CARD8: variants seen among roughly 807,000 people sequenced by gnomAD.
CARD8 encodes caspase recruitment domain family member 8.
A neutral mutation model predicts 53.2 loss-of-function variants in CARD8; 38 were observed. The observed-to-expected ratio is 0.71, with a 90% CI of 0.55 to 0.94. The LOEUF is 0.94. Ranked by LOEUF, CARD8 falls within the 40% of genes least tolerant of loss-of-function variation. The pLI, the probability that CARD8 is intolerant of heterozygous loss-of-function variation, is 0.00. For synonymous variants in CARD8, 245 were observed against 244.9 expected, an observed-to-expected ratio of 1.00 and a Z score of 0.00; for missense variants, 561 against 655.5, an observed-to-expected ratio of 0.86 and a Z score of 1.57.
intron 6 of CARD8, 100 bp from the exon 7 acceptor site, chr19:48,232,593 C>T: frequency 1.0e-6 from 1 of 996,314 alleles, no homozygotes; most frequent in Non-Finnish European, 1.5e-6. Context: ...CTGCACTGTC[C>T]CGTAGAGTAG....
chr19:48,236,023 G>A (rs1156969695), intron 5 of CARD8, among the ~76,000 whole-genome samples: 7 of 152,072 alleles, frequency 4.6e-5, no homozygotes, highest in African/African-American at 2.4e-5. Context: ...TCTGATTAAA[G>A]TATGTATGTT....
downstream of CARD8, among the ~76,000 whole-genome samples, chr19:48,204,579 A>G (rs771415853): frequency 1.3e-4 from 20 of 152,078 alleles, no homozygotes; most frequent in African/African-American, 4.8e-4. Flanking sequence ...TGCAGTTATT[A>G]TAGAGCTCCT....
chr19:48,241,993 C>G (rs968285976), intron 3 of CARD8, among the ~76,000 whole-genome samples: 2 of 152,150 alleles, frequency 1.3e-5, no homozygotes, highest in Admixed American at 1.3e-4. Flanking sequence ...CCCCATTCCC[C>G]ACAGGCACGC....
downstream of CARD8, chr19:48,203,540 G>A (rs1366742256): frequency 1.3e-5 from 2 of 152,736 alleles, no homozygotes; most frequent in African/African-American, 4.8e-5. Context: ...TTCTAACATC[G>A]CCTGCATTTC....
At chr19:48,220,636 A>C (rs1472060501) in intron 11 of CARD8, among the ~76,000 whole-genome samples, 1 of 152,092 alleles carries the variant, frequency 6.6e-6, no homozygotes, top group Non-Finnish European at 1.5e-5. Context: ...ATTTGGGGCC[A>C]GGTGTGGTGG....
Position 48,232,173 on chromosome 19 carries a change from G to A in CARD8, c.391+280C>T, listed in dbSNP as rs1037804518. The A allele has an allele frequency of 2.1e-5, 12 of 564,706 alleles. 1 individual carries two copies. Among genetic ancestry groups the A allele is most frequent in the South Asian group, 1.0e-4 (5 of 49,118 alleles). 35.0% of individuals were successfully genotyped at this position (564,706 alleles called of 1,614,324 possible). ...GGAAAGTCCAGGTCAGAAAAGTATC[G>A]AACTCCAAAGATGCAGAGGCGAAAG... On this transcript the variant is annotated intron_variant, in intron 7 of 13. Transcript: ENST00000651546.
rs143953686 is a variant in CARD8, at chr19:48,234,453, T to C, written c.300A>G (p.Leu100=). ...QEDDETEAEP[L]LFRAVPECQL... is the part of the protein sequence containing the mutation. ...GACACTCAGGAACAGCACGGAACAATAATGGCTCTGCCTCTGTCTCATCAT... is the reference window on the plus strand; with the variant it reads ...GACACTCAGGAACAGCACGGAACAACAATGGCTCTGCCTCTGTCTCATCAT... Residue 100 remains leucine, a synonymous_variant, in exon 6 of 14, where the codon TTA becomes TTG. Transcript: ENST00000651546. 3.3e-5 allele frequency: 54 copies of C among 1,613,814 alleles called. No individual in the cohort carries two copies. The African/African-American group carries it at 6.3e-4, about 19-fold the overall frequency.
In CARD8 at chr19:48,208,510, T is replaced by G. The variant is rs1044073840; in HGVS notation, c.*3200A>C. On this transcript the variant is annotated 3_prime_UTR_variant, in exon 14 of 14. Coordinates refer to ENST00000651546, the MANE Select transcript of CARD8 (RefSeq NM_001184900.3). Reference sequence around the variant, plus strand: ...TCTGTTGGATACAAATAAAACAGAGTCTCATAAGATAACATTCACATTTCG... The same window carrying G: ...TCTGTTGGATACAAATAAAACAGAGGCTCATAAGATAACATTCACATTTCG... The G allele has an allele frequency of 8.6e-5, 13 of 151,724 alleles. No individual in the cohort carries two copies. The highest frequency in any genetic ancestry group is 2.9e-4 in the African/African-American group (12 of 41,242). 9.4% of individuals were successfully genotyped at this position (151,724 alleles called of 1,614,324 possible). A position where few individuals can be genotyped will look rare whatever the true frequency, so the allele number is the denominator to read the frequency against.
chr19:48,246,872 T>G (rs978502666), intron 3 of CARD8, among the ~76,000 whole-genome samples: 3 of 152,216 alleles, frequency 2.0e-5, no homozygotes, highest in Non-Finnish European at 4.4e-5. Context: ...CTGCTATTCA[T>G]TATATGGATG....
In CARD8 at chr19:48,230,824, T is replaced by C. The variant is rs975563099; in HGVS notation, c.725A>G (p.Glu242Gly). Residue 242 changes from glutamate to glycine, a missense_variant, in exon 9 of 14, where the codon GAG (glutamate) becomes GGG (glycine). By Grantham distance (98) the Glu-to-Gly change is moderately conservative (BLOSUM62 -2). Coordinates refer to ENST00000651546, the MANE Select transcript of CARD8 (RefSeq NM_001184900.3). ...GPLFDVTAEP[E>G]EAVAEIHLPH... ...GAGGTGGATTTCGGCGACAGCCTCC[T>C]CTGGCTCTGCAGTGACATCAAACAA... 6.2e-7 allele frequency: 1 copy of C among 1,614,056 alleles called. No homozygotes were observed. Among genetic ancestry groups the C allele is most frequent in the Non-Finnish European group, 8.5e-7 (1 of 1,180,040 alleles).
At chr19:48,234,890 T>C (rs1458097765) in intron 5 of CARD8, among the ~76,000 whole-genome samples, 1 of 152,152 alleles carries the variant, frequency 6.6e-6, no homozygotes, top group Non-Finnish European at 1.5e-5. Context: ...CTAAGAATTT[T>C]AGGGAAAGGA....
At position 48,241,738 on chromosome 19, in the gene CARD8, T is replaced by C. The variant is rs140946217; in HGVS notation, c.-43-675A>G. Reference sequence around the variant, plus strand: ...GCCTAAATTGTCACCTTGATTTCTTTAAAATACTTGGGTTTAGGAACCGTT... The same window carrying C: ...GCCTAAATTGTCACCTTGATTTCTTCAAAATACTTGGGTTTAGGAACCGTT... On this transcript the variant is annotated intron_variant, in intron 3 of 13. Transcript: ENST00000651546. 2.0e-3 allele frequency among the ~76,000 whole-genome samples: 303 copies of C among 152,330 alleles called. 1 individual carries two copies. Among genetic ancestry groups the C allele is most frequent in the African/African-American group, 6.8e-3 (284 of 41,576 alleles).
intron 6 of CARD8, 111 bp from the exon 7 acceptor site, chr19:48,232,604 C>A: frequency 1.1e-6 from 1 of 889,154 alleles, no homozygotes; most frequent in Non-Finnish European, 1.8e-6. Context: ...CGTAGAGTAG[C>A]CGCTACCCGG....
intron 3 of CARD8, among the ~76,000 whole-genome samples, chr19:48,245,154 T>C (rs919328967): frequency 6.6e-6 from 1 of 152,212 alleles, no homozygotes; most frequent in Non-Finnish European, 1.5e-5. Flanking sequence ...TAGAGAAACA[T>C]AACGAATCAC....
chr19:48,241,137 T>C, intron 3 of CARD8, 74 bp from the exon 4 acceptor site: 1 of 834,594 alleles, frequency 1.2e-6, no homozygotes, highest in East Asian at 2.7e-5. Context: ...TCTGTGTCTC[T>C]CAAAGGTTGA....
At chr19:48,251,402 T>C (rs1035715940) in intron 1 of CARD8, among the ~76,000 whole-genome samples, 2 of 152,304 alleles carry the variant, frequency 1.3e-5, no homozygotes. Context: ...TTGGGCAGTT[T>C]GGTAAACTAT....
At chr19:48,223,346 G>A (rs1258512112) in intron 10 of CARD8, among the ~76,000 whole-genome samples, 38 of 151,852 alleles carry the variant, frequency 2.5e-4, no homozygotes, top group Non-Finnish European at 1.5e-5. Flanking sequence ...AGATCTCTAT[G>A]AAGAAAAGGA....
At chr19:48,253,848 G>A (rs1189606390) in intron 1 of CARD8, among the ~76,000 whole-genome samples, 2 of 152,106 alleles carry the variant, frequency 1.3e-5, no homozygotes, top group Admixed American at 6.5e-5. Context: ...CTGTTCAATA[G>A]TCTTTCAGCA....
At chr19:48,250,846 C>A (rs1426587467) in intron 1 of CARD8, among the ~76,000 whole-genome samples, 1 of 152,060 alleles carries the variant, frequency 6.6e-6, no homozygotes, top group Non-Finnish European at 1.5e-5. Context: ...AGGAGCTGCA[C>A]CTCTGAAAAA....
Sources: gnomAD v4.1 joint callset for allele counts (sites outside exome capture counted in the v4.1 genomes callset) on GRCh38, gnomAD v4.1.1 for gene constraint, MANE v1.5 for transcripts, NCBI Gene and HGNC (gene_info 2026-07-23, HGNC 2026-07-21) for gene names.